The following BSCL2 variants were observed in gnomAD, a reference collection of about 807,000 sequenced individuals.
BSCL2 encodes BSCL2 lipid droplet biogenesis associated, seipin.
In BSCL2, 41 loss-of-function variants were observed where a neutral mutation model predicts 57.4. The observed-to-expected ratio is 0.71, with a 90% CI of 0.56 to 0.93. BSCL2 has a LOEUF of 0.93. Among genes scored for constraint, BSCL2 ranks in the 40% least tolerant of loss-of-function variants. The pLI is 0.00. For synonymous variants in BSCL2, 237 were observed against 227.3 expected (o/e 1.04, Z -0.38); for missense variants, 539 against 586.7 (o/e 0.92, Z 0.84).
At chr11:62,692,887 T>C (rs978628541) in intron 4 of BSCL2, 90 bp from the exon 5 acceptor site, 7 of 1,560,158 alleles carry the variant, frequency 4.5e-6, no homozygotes, top group Non-Finnish European at 6.1e-6. Flanking sequence ...GAGTAGTCTA[T>C]GAAGGCGGCT....
intron 2 of BSCL2, 51 bp downstream of exon 2, chr11:62,705,250 G>A: frequency 2.0e-6 from 3 of 1,510,570 alleles, no homozygotes; most frequent in South Asian, 1.2e-5. Context: ...AACTCCAAGG[G>A]CCTTACAATT....
At chr11:62,696,471 AATT>A (rs1309067106) in intron 3 of BSCL2, among the ~76,000 whole-genome samples, 6 of 147,042 alleles carry the variant, frequency 4.1e-5, no homozygotes, top group Non-Finnish European at 6.0e-5. Context: ...TGCAACTAAA[AATT>A]TTTTTTTTTT....
Position 62,690,527 on chromosome 11 carries a change from C to T in BSCL2, c.1235-6G>A, listed in dbSNP as rs762484263. 7 of 1,613,976 alleles carry T rather than the reference C, an allele frequency of 4.3e-6. No homozygotes were observed. The African/African-American group carries it at 9.3e-5, about 22-fold the overall frequency. The stretch of plus-strand genomic sequence containing the variant: ...ATCTTCCCAGGAGCCTGAACCTGGG[C>T]CAGGAAAGGGAAAAACAAAATCTCA... On this transcript the variant is annotated splice_region_variant and splice_polypyrimidine_tract_variant and intron_variant, in intron 10 of 10. Coordinates refer to ENST00000360796, the MANE Select transcript of BSCL2 (RefSeq NM_001122955.4).
At chr11:62,690,984 T>TA in intron 8 of BSCL2, 91 bp downstream of exon 8, 1 of 1,576,832 alleles carries the variant, frequency 6.3e-7, no homozygotes, top group Non-Finnish European at 8.7e-7. Context: ...GGTGATACCC[T>TA]AAGCCTCATA....
chr11:62,704,698 A>G (rs1945763770), intron 2 of BSCL2, among the ~76,000 whole-genome samples: 1 of 152,238 alleles, frequency 6.6e-6, no homozygotes, highest in Non-Finnish European at 1.5e-5. Context: ...GTGAGCAGAC[A>G]CTGCACCACT....
intron 4 of BSCL2, 30 bp downstream of exon 4, chr11:62,694,538 C>A: frequency 1.2e-6 from 2 of 1,613,876 alleles, no homozygotes; most frequent in Non-Finnish European, 1.7e-6. Context: ...TCTTCCTCCA[C>A]ACCTTCTCAG....
intron 3 of BSCL2, among the ~76,000 whole-genome samples, chr11:62,699,149 C>T (rs899409804): frequency 1.3e-4 from 19 of 151,584 alleles, no homozygotes; most frequent in Admixed American, 3.9e-4. Flanking sequence ...ATGATCCGCC[C>T]GCCTCGGCCT....
At chr11:62,701,026 A>G (rs1324063909) in intron 3 of BSCL2, among the ~76,000 whole-genome samples, 1 of 151,816 alleles carries the variant, frequency 6.6e-6, no homozygotes, top group Non-Finnish European at 1.5e-5. Context: ...CAGTCCCCAT[A>G]TGCATTTCTC....
chr11:62,692,352 G>A (rs766080496), intron 6 of BSCL2, 24 bp downstream of exon 6: 8 of 1,612,176 alleles, frequency 5.0e-6, no homozygotes, highest in Non-Finnish European at 6.8e-6. Flanking sequence ...AGTTGCCCAA[G>A]GTTCACTCCA....
chr11:62,708,375 C>T, upstream of BSCL2: 1 of 1,612,322 alleles, frequency 6.2e-7, no homozygotes, highest in Non-Finnish European at 8.5e-7. Context: ...AAGATTGAAG[C>T]CAGCTTGTGT....
intron 4 of BSCL2, among the ~76,000 whole-genome samples, chr11:62,693,267 G>A (rs1286452428): frequency 6.6e-6 from 1 of 152,120 alleles, no homozygotes; most frequent in Non-Finnish European, 1.5e-5. Flanking sequence ...ACTTTGGGAG[G>A]CTGAGGTGGT....
At chr11:62,708,554 G>T (rs1162806274), upstream of BSCL2, 4 of 1,399,362 alleles carry the variant, frequency 2.9e-6, no homozygotes, top group African/African-American at 2.8e-5. Flanking sequence ...CCTCTGGGGG[G>T]GATGAGGGAG....
rs1462623912 is a variant in BSCL2, at chr11:62,692,045, C to T, written c.863+331G>A. 4.2e-4 allele frequency among the ~76,000 whole-genome samples: 47 copies of T among 112,982 alleles called. 1 individual carries two copies. The highest frequency in any genetic ancestry group is 1.2e-3 in the African/African-American group (41 of 33,264). 74.1% of individuals were successfully genotyped at this position (112,982 alleles called of 152,430 possible). A position where few individuals can be genotyped will look rare whatever the true frequency, so the allele number is the denominator to read the frequency against. The stretch of plus-strand genomic sequence containing the variant: ...CCAGCCTAGGCAACAGAGCAAGACC[C>T]CCTCTTAAAAAAAAAAAAAAAAAAA... On this transcript the variant is annotated intron_variant, in intron 6 of 10. Transcript: ENST00000360796.
At chr11:62,707,564 TGGGGGA>T (rs1046751454), upstream of BSCL2, 1 of 587,058 alleles carries the variant, frequency 1.7e-6, no homozygotes, top group African/African-American at 1.9e-5. Context: ...ATGCCTGCAA[TGGGGGA>T]GGGGCAGGCA....
At chr11:62,709,530 C>T (rs772472357), upstream of BSCL2, 2 of 451,524 alleles carry the variant, frequency 4.4e-6, no homozygotes, top group Admixed American at 2.4e-5. Flanking sequence ...AGGGGCGGAG[C>T]TTGGCTTCAG....
At chr11:62,692,634 T>C in intron 5 of BSCL2, 29 bp downstream of exon 5, 16 of 1,613,808 alleles carry the variant, frequency 9.9e-6, no homozygotes, top group Non-Finnish European at 1.4e-5. Context: ...GGCTATCTCC[T>C]AGTCATAAAG....
chr11:62,706,156 C>A, intron 1 of BSCL2: 1 of 1,004,744 alleles, frequency 1.0e-6, no homozygotes, highest in African/African-American at 1.8e-5. Flanking sequence ...CCGCTTCCCG[C>A]CAGTCCCCTC....
chr11:62,692,760 A>G lies in BSCL2; in HGVS notation c.668T>C (p.Leu223Pro). The G allele has an allele frequency of 6.2e-7, 1 of 1,614,004 alleles. No homozygotes were observed. The highest frequency in any genetic ancestry group is 8.5e-7 in the Non-Finnish European group (1 of 1,180,030). ...GAGGCTAGAGAAGACCAGTGTGTCC[A>G]GCATCTGGAGCAGGTCTGAGCGGTA... ...LHYRSDLLQM[L>P]DTLVFSSLLL... The change falls in exon 5 of 11, where the codon CTG becomes CCG. Residue 223 changes from leucine (L) to proline (P), a missense_variant. Physicochemically the swap from Leu to Pro is moderately conservative, Grantham distance 98 (BLOSUM62 -3). Coordinates refer to ENST00000360796, the MANE Select transcript of BSCL2 (RefSeq NM_001122955.4).
intron 6 of BSCL2, 147 bp downstream of exon 6, chr11:62,692,229 A>C (rs1945330824): frequency 2.5e-6 from 2 of 815,254 alleles, no homozygotes; most frequent in African/African-American, 1.7e-5. Flanking sequence ...TGATAGGCCA[A>C]TATGTGGCAG....
Sources: gnomAD v4.1 joint callset for allele counts (sites outside exome capture counted in the v4.1 genomes callset) on GRCh38, gnomAD v4.1.1 for gene constraint, MANE v1.5 for transcripts, NCBI Gene and HGNC (gene_info 2026-07-23, HGNC 2026-07-21) for gene names.